The following BNC2 variants were observed in gnomAD, a reference collection of about 807,000 sequenced individuals.
BNC2 encodes basonuclin zinc finger protein 2, also known as zinc finger protein basonuclin-2.
Under a neutral mutation model 76.3 loss-of-function variants are expected in BNC2, and 20 were observed. The observed-to-expected ratio is 0.26, with a 90% CI of 0.18 to 0.38. The LOEUF is 0.38. BNC2 is among the 10% of genes least tolerant of loss of function. The pLI is 1.00. For synonymous variants in BNC2, 582 were observed against 514.8 expected, an observed-to-expected ratio of 1.13 and a Z score of -1.77; for missense variants, 1,382 against 1,399.8, an observed-to-expected ratio of 0.99 and a Z score of 0.20.
intron 1 of BNC2, among the ~76,000 whole-genome samples, chr9:16,854,694 A>T (rs1255725042): frequency 1.3e-5 from 2 of 152,116 alleles, no homozygotes; most frequent in East Asian, 3.9e-4. Context: ...ATCCATAAAA[A>T]ACCAAAGAGA....
At chr9:16,642,229 AT>A (rs930152819) in intron 3 of BNC2, among the ~76,000 whole-genome samples, 8 of 152,140 alleles carry the variant, frequency 5.3e-5, no homozygotes, top group Non-Finnish European at 7.4e-5. Context: ...GCACATAAGG[AT>A]TTTTTTAAGG....
At chr9:16,810,172 A>T (rs1818009378) in intron 1 of BNC2, among the ~76,000 whole-genome samples, 1 of 152,236 alleles carries the variant, frequency 6.6e-6, no homozygotes, top group Non-Finnish European at 1.5e-5. Context: ...AAAGAATATC[A>T]TTATAATATG....
At chr9:16,792,585 G>T (rs1316178139) in intron 1 of BNC2, among the ~76,000 whole-genome samples, 3 of 152,150 alleles carry the variant, frequency 2.0e-5, no homozygotes, top group Non-Finnish European at 4.4e-5. Context: ...TCTGCAGAAG[G>T]GGCCAAAAGA....
At chr9:16,609,581 T>A (rs1406388521) in intron 3 of BNC2, among the ~76,000 whole-genome samples, 1 of 152,204 alleles carries the variant, frequency 6.6e-6, no homozygotes, top group Non-Finnish European at 1.5e-5. Flanking sequence ...CTATGCTTCC[T>A]TATGTTACAG....
chr9:16,549,799 T>C (rs1325166277), intron 5 of BNC2, among the ~76,000 whole-genome samples: 1 of 152,128 alleles, frequency 6.6e-6, no homozygotes, highest in African/African-American at 2.4e-5. Flanking sequence ...AAAGAACAAG[T>C]AGATTATAAA....
At chr9:16,757,819 A>G (rs1825431874) in intron 1 of BNC2, among the ~76,000 whole-genome samples, 1 of 152,108 alleles carries the variant, frequency 6.6e-6, no homozygotes, top group South Asian at 2.1e-4. Context: ...AAAGTCTTAT[A>G]AATTACAATT....
chr9:16,465,758 A>T (rs1821692541), intron 5 of BNC2, among the ~76,000 whole-genome samples: 1 of 152,174 alleles, frequency 6.6e-6, no homozygotes, highest in Admixed American at 6.5e-5. Context: ...TTAGCTATCT[A>T]AAAAAAGTTC....
At chr9:16,556,097 T>G (rs540195224) in intron 4 of BNC2, among the ~76,000 whole-genome samples, 1 of 151,390 alleles carries the variant, frequency 6.6e-6, no homozygotes, top group South Asian at 2.1e-4. Flanking sequence ...CCCAAGAGTT[T>G]GAGATCAGCT....
intron 5 of BNC2, among the ~76,000 whole-genome samples, chr9:16,459,140 T>C (rs1174945253): frequency 1.3e-5 from 2 of 152,228 alleles, no homozygotes; most frequent in Non-Finnish European, 2.9e-5. Flanking sequence ...TCCATATACA[T>C]GCATTTCCTC....
intron 1 of BNC2, among the ~76,000 whole-genome samples, chr9:16,819,206 G>A (rs1268680136): frequency 6.6e-6 from 1 of 152,042 alleles, no homozygotes; most frequent in Non-Finnish European, 1.5e-5. Context: ...TAGTAGAGAT[G>A]GTATTTGACA....
At chr9:16,688,522 G>A (rs1460700503) in intron 3 of BNC2, among the ~76,000 whole-genome samples, 1 of 151,976 alleles carries the variant, frequency 6.6e-6, no homozygotes, top group Non-Finnish European at 1.5e-5. Flanking sequence ...CTTTTCCTCT[G>A]TGCTAACACC....
rs377436091 is a variant in BNC2, at chr9:16,419,527, T to C, written c.2762A>G (p.Tyr921Cys). Residue 921 changes from tyrosine to cysteine, a missense_variant, in exon 7 of 7, where the codon TAT (tyrosine) becomes TGT (cysteine). Physicochemically the swap from Tyr to Cys is radical, Grantham distance 194 (BLOSUM62 -2). Around this residue, in one of 3 missense-constraint regions of BNC2, gnomAD observed 798 missense variants for 775.5 expected, o/e 1.03. Transcript: ENST00000380672. ...DLRDEFLVKI[Y>C]GAQHPMGLDV... ...GAGCCCCATGGGGTGCTGGGCACCATATATCTTCACCAAAAATTCATCGCG... is the reference window on the plus strand; with the variant it reads ...GAGCCCCATGGGGTGCTGGGCACCACATATCTTCACCAAAAATTCATCGCG... 1.1e-5 allele frequency: 18 copies of C among 1,613,862 alleles called. No individual in the cohort carries two copies. Among genetic ancestry groups the C allele is most frequent in the South Asian group, 2.2e-5 (2 of 91,084 alleles).
At chr9:16,463,858 G>A (rs564151810) in intron 5 of BNC2, among the ~76,000 whole-genome samples, 4 of 151,894 alleles carry the variant, frequency 2.6e-5, no homozygotes, top group Non-Finnish European at 5.9e-5. Context: ...CACTTCGGGA[G>A]GCCAAGGCAG....
intron 3 of BNC2, among the ~76,000 whole-genome samples, chr9:16,617,658 T>A (rs1362633183): frequency 6.6e-6 from 1 of 152,216 alleles, no homozygotes; most frequent in East Asian, 1.9e-4. Flanking sequence ...TTCCAGGGGT[T>A]AGGTTTCACT....
chr9:16,592,760 A>T (rs1416797282), intron 3 of BNC2, among the ~76,000 whole-genome samples: 1 of 152,172 alleles, frequency 6.6e-6, no homozygotes, highest in African/African-American at 2.4e-5. Context: ...AAACCATTTA[A>T]TCCCATAAGA....
chr9:16,550,914 G>A (rs781196135), intron 5 of BNC2, among the ~76,000 whole-genome samples: 15 of 152,018 alleles, frequency 9.9e-5, no homozygotes, highest in Non-Finnish European at 1.9e-4. Context: ...TAATAATCAC[G>A]CTGTAGAAAT....
At chr9:16,580,279 G>A (rs1819597409) in intron 4 of BNC2, 1 of 397,548 alleles carries the variant, frequency 2.5e-6, no homozygotes. Flanking sequence ...CATGAATGGG[G>A]AGAGTGTGGG....
At chr9:16,588,398 T>G (rs1819831326) in intron 3 of BNC2, among the ~76,000 whole-genome samples, 1 of 152,210 alleles carries the variant, frequency 6.6e-6, no homozygotes, top group Non-Finnish European at 1.5e-5. Flanking sequence ...TTATTCATAC[T>G]ATAGTCCTCT....
Position 16,665,386 on chromosome 9 carries a change from A to AAAAGAGAGAGAG in BNC2, c.330+62410_330+62411insCTCTCTCTCTTT, listed in dbSNP as rs1554702315. Among the ~76,000 whole-genome samples, 617 of 84,214 alleles carry AAAAGAGAGAGAG rather than the reference A, an allele frequency of 7.3e-3. 40 individuals are homozygous for AAAAGAGAGAGAG. Among genetic ancestry groups the AAAAGAGAGAGAG allele is most frequent in the Non-Finnish European group, 9.3e-3 (440 of 47,260 alleles). The allele number at this position is 84,214 out of a possible 152,430, so 55.2% of individuals were successfully genotyped here. ...CCTCTGTCTCAAAAAAAAAAAAAAAAAGAGAGAGAGAGAGAGAAAGAGAGA... is the reference window on the plus strand; with the variant it reads ...CCTCTGTCTCAAAAAAAAAAAAAAAAAAAGAGAGAGAGAGAGAGAGAGAGAGAGAAAGAGAGA... On this transcript the variant is annotated intron_variant, in intron 3 of 6. Transcript: ENST00000380672.
Sources: allele counts gnomAD v4.1 joint callset (sites outside exome capture counted in the v4.1 genomes callset), GRCh38; gene constraint gnomAD v4.1.1; regional missense constraint gnomAD v4.1.1; transcripts MANE v1.5; gene names NCBI Gene and HGNC (gene_info 2026-07-23, HGNC 2026-07-21).